Variants in CTNND2 observed in about 807,000 individuals in gnomAD.
CTNND2 encodes catenin delta 2, also known as catenin delta-2.
CTNND2 carries 22 observed loss-of-function variants against 144.4 expected under a neutral mutation model. The observed-to-expected ratio is 0.15, with a 90% CI of 0.11 to 0.22. CTNND2 has a LOEUF of 0.22. CTNND2 is among the 10% of genes least tolerant of loss of function. The pLI is 1.00. For synonymous variants in CTNND2, 751 were observed against 695.6 expected (o/e 1.08, Z -1.25); for missense variants, 1,353 against 1,618.8 (o/e 0.84, Z 2.82).
At chr5:11,193,827 G>T (rs773958085) in intron 11 of CTNND2, among the ~76,000 whole-genome samples, 1 of 152,164 alleles carries the variant, frequency 6.6e-6, no homozygotes, top group Non-Finnish European at 1.5e-5. Flanking sequence ...CTCCTTTCAT[G>T]CAGGGTGCTT....
chr5:11,128,038 A>G (rs1754854634), intron 12 of CTNND2, among the ~76,000 whole-genome samples: 1 of 152,078 alleles, frequency 6.6e-6, no homozygotes, highest in African/African-American at 2.4e-5. Flanking sequence ...AGAAAAAAAA[A>G]AGACGTTGCA....
chr5:11,294,459 C>T (rs1322178446), intron 9 of CTNND2, among the ~76,000 whole-genome samples: 3 of 152,084 alleles, frequency 2.0e-5, no homozygotes, highest in African/African-American at 7.2e-5. Flanking sequence ...AAGCAAGCTC[C>T]TCGCTTTATG....
rs755324887 is a variant in CTNND2 at position 11,382,595 on chromosome 5, C to CTGTGTATATG, written c.1177+2069_1177+2070insCATATACACA. On this transcript the variant is annotated intron_variant, in intron 7 of 21. Transcript: ENST00000304623. ...CCTGGGCAACCGACAGAGTGAGACT[C>CTGTGTATATG]TGTGTGTGTGTGTGTGTGTGTGTGT... is the stretch of plus-strand genomic sequence containing the variant. 8.4e-3 allele frequency among the ~76,000 whole-genome samples: 1,097 copies of CTGTGTATATG among 130,226 alleles called. 17 individuals carry two copies. Among genetic ancestry groups the CTGTGTATATG allele is most frequent in the East Asian group, 0.018 (82 of 4,582 alleles). The allele number at this position is 130,226 out of a possible 152,430, so 85.4% of individuals were successfully genotyped here.
chr5:11,669,948 T>C (rs1292838039), intron 2 of CTNND2, among the ~76,000 whole-genome samples: 3 of 152,234 alleles, frequency 2.0e-5, no homozygotes, highest in Non-Finnish European at 4.4e-5. Context: ...CAGTACATTA[T>C]GTCTTTGTTC....
chr5:11,234,379 A>C (rs1260155492), intron 10 of CTNND2, among the ~76,000 whole-genome samples: 1 of 152,238 alleles, frequency 6.6e-6, no homozygotes, highest in African/African-American at 2.4e-5. Flanking sequence ...TAAGTCATTT[A>C]ATTCTTGCAA....
At chr5:11,106,897 G>A (rs1255999429) in intron 14 of CTNND2, among the ~76,000 whole-genome samples, 1 of 152,152 alleles carries the variant, frequency 6.6e-6, no homozygotes, top group Non-Finnish European at 1.5e-5. Flanking sequence ...GGATACTCCT[G>A]TCTTCTTTCC....
At chr5:11,047,880 T>C (rs1200484789) in intron 16 of CTNND2, among the ~76,000 whole-genome samples, 1 of 152,166 alleles carries the variant, frequency 6.6e-6, no homozygotes, top group Non-Finnish European at 1.5e-5. Flanking sequence ...CTCCAGGAGA[T>C]GGGACTCTCA....
At chr5:11,499,002 C>G (rs1463740835) in intron 3 of CTNND2, among the ~76,000 whole-genome samples, 1 of 152,096 alleles carries the variant, frequency 6.6e-6, no homozygotes, top group African/African-American at 2.4e-5. Context: ...TTCATGAGAT[C>G]TGGAATCCTT....
intron 3 of CTNND2, among the ~76,000 whole-genome samples, chr5:11,531,561 G>GATTA (rs1561521588): frequency 6.6e-6 from 1 of 152,126 alleles, no homozygotes; most frequent in Non-Finnish European, 1.5e-5. Flanking sequence ...GGGAGGCAGA[G>GATTA]ATTACAGTGA....
intron 2 of CTNND2, among the ~76,000 whole-genome samples, chr5:11,678,886 T>C (rs1260410771): frequency 1.3e-5 from 2 of 151,956 alleles, no homozygotes. Context: ...GTATGATCTT[T>C]TGCCACCCAC....
At chr5:11,326,602 C>T (rs1228201221) in intron 9 of CTNND2, among the ~76,000 whole-genome samples, 2 of 152,178 alleles carry the variant, frequency 1.3e-5, no homozygotes, top group African/African-American at 4.8e-5. Context: ...TCTAGGTGTA[C>T]ATTTCTCTCT....
chr5:11,667,049 A>C (rs2467000), intron 2 of CTNND2, among the ~76,000 whole-genome samples: 27,132 of 151,856 alleles, frequency 0.18, 4,234 homozygotes, highest in African/African-American at 0.42. Context: ...TAGTTTACTG[A>C]GAATGATGGT....
At chr5:11,692,034 T>C (rs1019149141) in intron 2 of CTNND2, among the ~76,000 whole-genome samples, 7 of 152,228 alleles carry the variant, frequency 4.6e-5, no homozygotes, top group African/African-American at 1.7e-4. Context: ...CAACAAAAAC[T>C]GTATGATTGA....
intron 2 of CTNND2, among the ~76,000 whole-genome samples, chr5:11,718,630 AAAT>A (rs1447626090): frequency 6.6e-6 from 1 of 152,104 alleles, no homozygotes; most frequent in Non-Finnish European, 1.5e-5. Context: ...ACAAAAAAAA[AAAT>A]AAGAAAAGTA....
At chr5:11,878,219 T>C (rs572406946) in intron 1 of CTNND2, among the ~76,000 whole-genome samples, 36 of 152,352 alleles carry the variant, frequency 2.4e-4, no homozygotes, top group Middle Eastern at 3.4e-3. Context: ...TATTAACAAA[T>C]GTGGTATACA....
intron 2 of CTNND2, among the ~76,000 whole-genome samples, chr5:11,599,952 C>T (rs972489359): frequency 6.6e-6 from 1 of 152,084 alleles, no homozygotes; most frequent in African/African-American, 2.4e-5. Context: ...TTAAGAAGTG[C>T]CTCCAAAATG....
chr5:11,168,150 T>G (rs777696772), intron 11 of CTNND2, among the ~76,000 whole-genome samples: 4 of 152,192 alleles, frequency 2.6e-5, no homozygotes, highest in Non-Finnish European at 4.4e-5. Flanking sequence ...AAAACTCAGA[T>G]GTATCTATGA....
At chr5:11,285,443 G>C (rs1223209429) in intron 9 of CTNND2, among the ~76,000 whole-genome samples, 1 of 152,200 alleles carries the variant, frequency 6.6e-6, no homozygotes, top group Non-Finnish European at 1.5e-5. Context: ...AAACAGAGCA[G>C]AAGATCAAAG....
chr5:11,100,418 T>C (rs1441112570), intron 14 of CTNND2, among the ~76,000 whole-genome samples: 1 of 152,146 alleles, frequency 6.6e-6, no homozygotes, highest in Non-Finnish European at 1.5e-5. Context: ...ATAAAACCAA[T>C]ACATCTCCTT....
Sources: gnomAD v4.1 joint callset for allele counts (sites outside exome capture counted in the v4.1 genomes callset) on GRCh38, gnomAD v4.1.1 for gene constraint, MANE v1.5 for transcripts, NCBI Gene and HGNC (gene_info 2026-07-23, HGNC 2026-07-21) for gene names.